The following CDH13 variants were observed in gnomAD, a reference collection of about 807,000 sequenced individuals.
The protein encoded by CDH13 is cadherin 13.
Under a neutral mutation model 63.8 loss-of-function variants are expected in CDH13, and 24 were observed. That is an observed-to-expected ratio of 0.38 (90% CI 0.27 to 0.53). The LOEUF is 0.53. Among genes scored for constraint, CDH13 ranks in the 20% least tolerant of loss-of-function variants. The pLI is 0.85. For missense variants in CDH13, 1,049 were observed against 903.1 expected (o/e 1.16, Z -2.07); for synonymous variants, 503 against 355.3 (o/e 1.42, Z -4.67).
At chr16:83,131,182 A>ACCAC (rs2036031302) in intron 4 of CDH13, among the ~76,000 whole-genome samples, 2 of 86,348 alleles carry the variant, frequency 2.3e-5, no homozygotes, top group African/African-American at 7.1e-5. Context: ...GGGGTGTATG[A>ACCAC]CCCCCCCCCC....
chr16:83,378,636 C>T (rs1414297399), intron 6 of CDH13, among the ~76,000 whole-genome samples: 2 of 152,084 alleles, frequency 1.3e-5, no homozygotes, highest in African/African-American at 2.4e-5. Flanking sequence ...GACTGGATCT[C>T]TGTTTCTTAT....
intron 2 of CDH13, among the ~76,000 whole-genome samples, chr16:82,874,422 C>G (rs576463101): frequency 1.3e-5 from 2 of 152,102 alleles, no homozygotes; most frequent in South Asian, 4.2e-4. Context: ...TTGTGAACAC[C>G]TTGGTAAATG....
At chr16:83,716,233 G>A (rs1176300995) in intron 10 of CDH13, among the ~76,000 whole-genome samples, 2 of 151,796 alleles carry the variant, frequency 1.3e-5, no homozygotes, top group African/African-American at 2.4e-5. Context: ...CACCAAACTG[G>A]GACATTCGTT....
At chr16:82,653,847 C>G (rs1911005190) in intron 1 of CDH13, among the ~76,000 whole-genome samples, 1 of 151,984 alleles carries the variant, frequency 6.6e-6, no homozygotes, top group South Asian at 2.1e-4. Flanking sequence ...TGCAGTAGTT[C>G]CGGAGAAGAA....
chr16:83,572,034 C>T (rs1210302746), intron 7 of CDH13, among the ~76,000 whole-genome samples: 4 of 152,112 alleles, frequency 2.6e-5, no homozygotes, highest in Non-Finnish European at 4.4e-5. Flanking sequence ...TCACAGGTTG[C>T]GGTGAGAGTC....
Position 83,492,903 on chromosome 16 carries a change from A to G in CDH13, c.960+6248A>G, listed in dbSNP as rs148521813. On this transcript the variant is annotated intron_variant, in intron 7 of 13. Transcript: ENST00000567109. ...CCATCCCTCTTAGTGTGACCTATCA[A>G]TCCATTAAAGCTAAGACCGTGGCTA... Among the ~76,000 whole-genome samples the G allele has an allele frequency of 7.4e-3, 1,133 of 152,306 alleles. 17 individuals are homozygous for G. The highest frequency in any genetic ancestry group is 0.041 in the South Asian group (196 of 4,818).
At chr16:82,832,356 T>C (rs1193527863) in intron 1 of CDH13, among the ~76,000 whole-genome samples, 1 of 152,196 alleles carries the variant, frequency 6.6e-6, no homozygotes, top group Non-Finnish European at 1.5e-5. Context: ...TAATGCATTG[T>C]CTTTTTCATA....
chr16:83,061,894 A>C (rs1182654267), intron 3 of CDH13, among the ~76,000 whole-genome samples: 1 of 152,204 alleles, frequency 6.6e-6, no homozygotes, highest in Non-Finnish European at 1.5e-5. Context: ...ATGTCACAAT[A>C]GTCCAGGAGA....
chr16:82,856,273 G>A (rs1597811964), intron 1 of CDH13, among the ~76,000 whole-genome samples: 1 of 151,672 alleles, frequency 6.6e-6, no homozygotes, highest in East Asian at 1.9e-4. Context: ...TTACTCGGGA[G>A]GCTGAGGCGG....
At chr16:82,843,005 A>G (rs947867987) in intron 1 of CDH13, among the ~76,000 whole-genome samples, 2 of 152,316 alleles carry the variant, frequency 1.3e-5, no homozygotes, top group Admixed American at 1.3e-4. Context: ...AGCTCCACTC[A>G]TGGGCCCGCC....
intron 5 of CDH13, among the ~76,000 whole-genome samples, chr16:83,279,768 G>A (rs753483566): frequency 2.0e-5 from 3 of 151,900 alleles, no homozygotes; most frequent in African/African-American, 4.8e-5. Context: ...TAATATAGGC[G>A]TAGCTCAGAG....
intron 7 of CDH13, among the ~76,000 whole-genome samples, chr16:83,560,650 G>C (rs1433477232): frequency 1.3e-5 from 2 of 152,302 alleles, no homozygotes; most frequent in East Asian, 3.9e-4. Flanking sequence ...AACAAAAATG[G>C]TCATTGGTCC....
chr16:83,371,965 A>G (rs1258867984), intron 6 of CDH13, among the ~76,000 whole-genome samples: 6 of 152,248 alleles, frequency 3.9e-5, no homozygotes, highest in Non-Finnish European at 7.3e-5. Flanking sequence ...ATACAGATAT[A>G]TAGGGATACC....
intron 2 of CDH13, among the ~76,000 whole-genome samples, chr16:82,965,108 C>T (rs916726821): frequency 2.0e-5 from 3 of 152,372 alleles, no homozygotes; most frequent in South Asian, 2.1e-4. Context: ...CTGATCCACT[C>T]TCTAACCAGG....
chr16:83,256,941 C>T (rs573561864), intron 5 of CDH13, among the ~76,000 whole-genome samples: 1 of 151,856 alleles, frequency 6.6e-6, no homozygotes, highest in African/African-American at 2.4e-5. Context: ...GAATTTGTTG[C>T]TCGCCTGCTA....
chr16:83,328,953 AG>A (rs1329820256), intron 5 of CDH13, among the ~76,000 whole-genome samples: 5 of 152,234 alleles, frequency 3.3e-5, no homozygotes, highest in Non-Finnish European at 5.9e-5. Context: ...TCTTGTTCAC[AG>A]TAAGCAAGTT....
At chr16:83,360,941 A>G (rs1267537119) in intron 6 of CDH13, among the ~76,000 whole-genome samples, 1 of 152,200 alleles carries the variant, frequency 6.6e-6, no homozygotes, top group African/African-American at 2.4e-5. Flanking sequence ...TTTTGGTAGA[A>G]CAATTTATTT....
chr16:83,517,623 T>G (rs2074728572), intron 7 of CDH13, among the ~76,000 whole-genome samples: 1 of 152,172 alleles, frequency 6.6e-6, no homozygotes. Context: ...AGGGAACACG[T>G]GGGCAATCAC....
At chr16:83,092,162 A>G (rs1384665461) in intron 3 of CDH13, among the ~76,000 whole-genome samples, 1 of 152,230 alleles carries the variant, frequency 6.6e-6, no homozygotes, top group Non-Finnish European at 1.5e-5. Flanking sequence ...TTCCCGTTTT[A>G]TAGAAGCAAA....
Sources: allele counts gnomAD v4.1 joint callset (sites outside exome capture counted in the v4.1 genomes callset), GRCh38; gene constraint gnomAD v4.1.1; transcripts MANE v1.5; gene names NCBI Gene and HGNC (gene_info 2026-07-23, HGNC 2026-07-21).